WDFY2: variants seen among roughly 807,000 people sequenced by gnomAD.
WDFY2 encodes the protein WD repeat and FYVE domain-containing protein 2.
In WDFY2, 36 loss-of-function variants were observed where a neutral mutation model predicts 56.4. The ratio of observed to expected loss-of-function variants is 0.64; its 90% confidence interval spans 0.49 to 0.84. The LOEUF (loss-of-function observed/expected upper bound fraction) is 0.84. WDFY2 is among the 40% of genes least tolerant of loss of function. The probability of loss-of-function intolerance (pLI) is 0.00; values close to 1 mark genes in which losing one functional copy is unlikely to be tolerated. For missense variants in WDFY2, 444 were observed against 512.2 expected, an observed-to-expected ratio of 0.87 and a Z score of 1.29; for synonymous variants, 176 against 183.7, an observed-to-expected ratio of 0.96 and a Z score of 0.34.
chr13:51,585,425 G>A (rs1014048723), intron 1 of WDFY2, among the ~76,000 whole-genome samples: 2 of 152,250 alleles, frequency 1.3e-5, no homozygotes, highest in Non-Finnish European at 2.9e-5. Flanking sequence ...AGCTCGAGGA[G>A]AAGCGCGTAG....
chr13:51,663,017 C>G lies in WDFY2; in HGVS notation c.205+2354C>G, dbSNP rs548444597. Among the ~76,000 whole-genome samples, 40 of 152,266 alleles carry G rather than the reference C, an allele frequency of 2.6e-4. No individual in the cohort carries two copies. The South Asian group carries it at 8.3e-3, about 32-fold the overall frequency. On this transcript the variant is annotated intron_variant, in intron 2 of 11. Coordinates refer to ENST00000298125, the MANE Select transcript of WDFY2 (RefSeq NM_052950.4). The stretch of plus-strand genomic sequence containing the variant: ...GCATTTAACAAAATCCCTAGATAGG[C>G]TGGGCGGGTTAGATCATGTCTGTAA...
chr13:51,638,089 T>C (rs1174185930), intron 1 of WDFY2, among the ~76,000 whole-genome samples: 1 of 152,176 alleles, frequency 6.6e-6, no homozygotes, highest in Non-Finnish European at 1.5e-5. Context: ...GGGGCCAGCG[T>C]TGGGCAGCTA....
chr13:51,713,995 T>C (rs1194855308), intron 4 of WDFY2, among the ~76,000 whole-genome samples: 1 of 150,636 alleles, frequency 6.6e-6, no homozygotes, highest in Non-Finnish European at 1.5e-5. Flanking sequence ...GGGTAAAGAG[T>C]TTCAGTTTGG....
intron 2 of WDFY2, among the ~76,000 whole-genome samples, chr13:51,670,118 CCATTGGGT>C (rs1955780737): frequency 6.6e-6 from 1 of 152,148 alleles, no homozygotes; most frequent in East Asian, 1.9e-4. Context: ...ATTCCCTTTG[CCATTGGGT>C]CATAGTTACT....
At chr13:51,688,861 C>T (rs1956103678) in intron 3 of WDFY2, among the ~76,000 whole-genome samples, 1 of 152,154 alleles carries the variant, frequency 6.6e-6, no homozygotes, top group Non-Finnish European at 1.5e-5. Context: ...ACTGTCTAAA[C>T]TGATCTCATA....
chr13:51,742,324 TAAGA>T (rs1266614436), intron 7 of WDFY2, among the ~76,000 whole-genome samples: 1 of 152,210 alleles, frequency 6.6e-6, no homozygotes, highest in Non-Finnish European at 1.5e-5. Flanking sequence ...GAAAAAAAGC[TAAGA>T]AAGTATTCTT....
chr13:51,739,067 G>T lies in WDFY2; in HGVS notation c.617G>T (p.Cys206Phe), dbSNP rs753265654. Residue 206 changes from cysteine to phenylalanine, a missense_variant, in exon 7 of 12, where the codon TGT becomes TTT. By Grantham distance (205) the Cys-to-Phe change is radical (BLOSUM62 -2). Transcript: ENST00000298125. ...RGHTGGVTALCWDPVQRVLFS... is the reference protein window; with the variant it reads ...RGHTGGVTALFWDPVQRVLFS... ...CTCTCAGGTGGGGTGACCGCTCTCT[G>T]TTGGGACCCAGTCCAGCGGGTGTTG... 1 of 1,597,548 alleles carries T rather than the reference G, an allele frequency of 6.3e-7. No individual in the cohort carries two copies. The highest frequency in any genetic ancestry group is 8.5e-7 in the Non-Finnish European group (1 of 1,172,234).
At chr13:51,740,437 C>T (rs972331745) in intron 7 of WDFY2, among the ~76,000 whole-genome samples, 15 of 152,178 alleles carry the variant, frequency 9.9e-5, no homozygotes, top group African/African-American at 2.4e-4. Context: ...AAGCCAGGGC[C>T]GGGTGCATTG....
At chr13:51,606,427 A>T (rs754516652) in intron 1 of WDFY2, among the ~76,000 whole-genome samples, 1 of 152,176 alleles carries the variant, frequency 6.6e-6, no homozygotes, top group Non-Finnish European at 1.5e-5. Context: ...AAAGTGATAT[A>T]TCCAGGTTAG....
intron 2 of WDFY2, among the ~76,000 whole-genome samples, chr13:51,670,113 CT>C (rs920088772): frequency 6.6e-6 from 1 of 152,164 alleles, no homozygotes; most frequent in African/African-American, 2.4e-5. Flanking sequence ...AAAGGATTCC[CT>C]TTGCCATTGG....
intron 3 of WDFY2, among the ~76,000 whole-genome samples, chr13:51,676,861 A>G (rs1955896049): frequency 6.6e-6 from 1 of 152,226 alleles, no homozygotes; most frequent in Non-Finnish European, 1.5e-5. Flanking sequence ...GGACTTCTGA[A>G]GTGTTCATTA....
intron 3 of WDFY2, among the ~76,000 whole-genome samples, chr13:51,698,901 TAAAC>T (rs1323033858): frequency 1.3e-5 from 2 of 152,194 alleles, no homozygotes; most frequent in Non-Finnish European, 2.9e-5. Context: ...ATTCACATAT[TAAAC>T]AAAGGATAAC....
At chr13:51,677,899 G>C (rs1184316779) in intron 3 of WDFY2, among the ~76,000 whole-genome samples, 1 of 152,138 alleles carries the variant, frequency 6.6e-6, no homozygotes, top group Admixed American at 6.5e-5. Flanking sequence ...TCAGTTTTGC[G>C]ATATAGGAGA....
At chr13:51,645,806 T>TA in intron 1 of WDFY2, among the ~76,000 whole-genome samples, 1 of 152,302 alleles carries the variant, frequency 6.6e-6, no homozygotes, top group East Asian at 1.9e-4. Context: ...TATTCTCTGG[T>TA]AACTACTCCT....
In WDFY2 at chr13:51,668,179, C is replaced by T. The variant is rs147694278; in HGVS notation, c.206-6991C>T. Among the ~76,000 whole-genome samples the T allele has an allele frequency of 5.5e-3, 833 of 152,076 alleles. 8 individuals carry two copies. Among genetic ancestry groups the T allele is most frequent in the African/African-American group, 0.019 (781 of 41,494 alleles). On this transcript the variant is annotated intron_variant, in intron 2 of 11. Coordinates refer to ENST00000298125, the MANE Select transcript of WDFY2 (RefSeq NM_052950.4). ...CAGACGTGAGCCACCGCACCCGGCC[C>T]GGAACTTCTCATTTTTATTGGAAAT...
rs1566191140 is a variant in WDFY2, at chr13:51,727,664, T to G, written c.486-14T>G. On this transcript the variant is annotated splice_polypyrimidine_tract_variant and intron_variant, in intron 5 of 11. Transcript: ENST00000298125. ...TTTAATTTTGAGAAACAATCCTTAA[T>G]GCTTTCATGACAGATTTGATGTTGA... 5 of 1,609,458 alleles carry G rather than the reference T, an allele frequency of 3.1e-6. No individual in the cohort carries two copies. The highest frequency in any genetic ancestry group is 4.5e-5 in the East Asian group (2 of 44,860).
intron 1 of WDFY2, among the ~76,000 whole-genome samples, chr13:51,615,350 A>T (rs1235349456): frequency 6.6e-6 from 1 of 152,168 alleles, no homozygotes; most frequent in African/African-American, 2.4e-5. Context: ...ATCAGTGCAA[A>T]TTAAAAAAAA....
intron 6 of WDFY2, among the ~76,000 whole-genome samples, chr13:51,735,394 T>C (rs1327461847): frequency 6.6e-6 from 1 of 152,196 alleles, no homozygotes; most frequent in Non-Finnish European, 1.5e-5. Flanking sequence ...GTGGGGTCTG[T>C]GTAGCAATAG....
At chr13:51,690,804 T>C (rs923472173) in intron 3 of WDFY2, among the ~76,000 whole-genome samples, 1 of 152,166 alleles carries the variant, frequency 6.6e-6, no homozygotes, top group African/African-American at 2.4e-5. Context: ...TAGTTTACAG[T>C]CCCACCAACA....
Sources: gnomAD v4.1 joint callset for allele counts (sites outside exome capture counted in the v4.1 genomes callset) on GRCh38, gnomAD v4.1.1 for gene constraint, MANE v1.5 for transcripts, NCBI Gene and HGNC (gene_info 2026-07-23, HGNC 2026-07-21) for gene names.